ALKBH7: variants seen among roughly 807,000 people sequenced by gnomAD.
The protein encoded by ALKBH7 is RNA demethylase ALKBH7, mitochondrial.
Under a neutral mutation model 19.3 loss-of-function variants are expected in ALKBH7, and 21 were observed. The observed-to-expected ratio is 1.09, with a 90% CI of 0.77 to 1.56. The LOEUF (loss-of-function observed/expected upper bound fraction) is 1.56, where lower values mean the gene tolerates loss of function less well. ALKBH7 is among the 40% of genes most tolerant of loss of function. The pLI is 0.00. For missense variants in ALKBH7, 354 were observed against 311.4 expected (o/e 1.14, Z -1.03); for synonymous variants, 147 against 139.5 (o/e 1.05, Z -0.38).
chr19:6,373,121 G>C, intron 1 of ALKBH7, 97 bp downstream of exon 1: 2 of 1,427,688 alleles, frequency 1.4e-6, no homozygotes, highest in East Asian at 2.5e-5. Flanking sequence ...CGCTGGGGGC[G>C]GTACCTAGAG....
At chr19:6,373,507 T>C in intron 1 of ALKBH7, 2 of 609,262 alleles carry the variant, frequency 3.3e-6, no homozygotes, top group East Asian at 3.6e-5. Context: ...ATTACGCTGC[T>C]AGCAGTTACA....
intron 1 of ALKBH7, chr19:6,373,846 G>A: frequency 1.5e-6 from 2 of 1,314,502 alleles, no homozygotes; most frequent in Non-Finnish European, 9.6e-7. Context: ...TTGGGGTCAG[G>A]GAGAGCACTT....
At chr19:6,373,948 T>C in intron 1 of ALKBH7, 7 of 984,788 alleles carry the variant, frequency 7.1e-6, no homozygotes, top group Non-Finnish European at 8.4e-6. Context: ...GGGGTCAAGT[T>C]GTAGGGAGAT....
In ALKBH7 at chr19:6,373,010, G is replaced by C; in HGVS notation, c.190G>C (p.Asp64His). The C allele has an allele frequency of 6.4e-7, 1 of 1,571,704 alleles. No individual in the cohort carries two copies. The highest frequency in any genetic ancestry group is 8.6e-7 in the Non-Finnish European group (1 of 1,161,106). ...GCTGCGCCGCCGCCGCTACGAATAC[G>C]ATCACTGGGACGCGGTGAGACCGGC... Reference protein sequence around the residue: ...PELRRRRYEYDHWDAAIHGFR... With the variant: ...PELRRRRYEYHHWDAAIHGFR... The change falls in exon 1 of 4, where the codon GAT (aspartate) becomes CAT (histidine). Residue 64 changes from aspartate (D) to histidine (H), a missense_variant. By Grantham distance (81) the Asp-to-His change is moderately conservative. Coordinates refer to ENST00000245812, the MANE Select transcript of ALKBH7 (RefSeq NM_032306.4).
At position 6,374,824 on chromosome 19, in the gene ALKBH7, T is replaced by C. The variant is rs2091913215; in HGVS notation, c.517T>C (p.Tyr173His). The C allele has an allele frequency of 1.2e-6, 2 of 1,613,012 alleles. No homozygotes were observed. The highest frequency in any genetic ancestry group is 8.5e-7 in the Non-Finnish European group (1 of 1,179,258). Residue 173 changes from tyrosine to histidine, a missense_variant, in exon 4 of 4, where the codon TAT (tyrosine) becomes CAT (histidine). Physicochemically the swap from Tyr to His is moderately conservative, Grantham distance 83. Transcript: ENST00000245812. ...TTCTTCCTGCAGGGGCTCAGCCCGT[T>C]ATGACTTCTCCCATGAGATCCTTCG... The part of the protein sequence containing the change: ...SLYILRGSAR[Y>H]DFSHEILRDE...
chr19:6,374,672 G>C, intron 3 of ALKBH7, 83 bp downstream of exon 3: 1 of 1,606,420 alleles, frequency 6.2e-7, no homozygotes, highest in Non-Finnish European at 8.5e-7. Flanking sequence ...CCTCAATCCA[G>C]CCCTCCCCGA....
intron 3 of ALKBH7, 111 bp downstream of exon 3, chr19:6,374,700 G>T: frequency 6.2e-7 from 1 of 1,602,638 alleles, no homozygotes; most frequent in Non-Finnish European, 8.5e-7. Context: ...TTTACCCCAG[G>T]GTCTGTGTGG....
rs754459218 is a variant in ALKBH7 at position 6,374,367 on chromosome 19, C to A, written c.369C>A (p.Asp123Glu). Residue 123 changes from aspartate (D) to glutamate (E), a missense_variant, in exon 2 of 4, where the codon GAC becomes GAA. By Grantham distance (45) the Asp-to-Glu change is conservative (BLOSUM62 2). Coordinates refer to ENST00000245812, the MANE Select transcript of ALKBH7 (RefSeq NM_032306.4). ...EARGYIKPHV[D>E]SIKFCGATIA... ...GCGGCTACATCAAGCCCCACGTGGA[C>A]AGCATCAAGGTGGGCAGAGGACGGT... 5.6e-6 allele frequency: 9 copies of A among 1,609,174 alleles called. No individual in the cohort carries two copies. The African/African-American group carries it at 1.2e-4, about 21-fold the overall frequency.
Position 6,373,015 on chromosome 19 carries a change from C to G in ALKBH7, c.195C>G (p.His65Gln), listed in dbSNP as rs1010722797. The part of the protein sequence containing the change: ...ELRRRRYEYD[H>Q]WDAAIHGFRE... ...GCCGCCGCCGCTACGAATACGATCA[C>G]TGGGACGCGGTGAGACCGGCAGCGC... is the stretch of plus-strand genomic sequence containing the variant. The change falls in exon 1 of 4, where the codon CAC (histidine) becomes CAG (glutamine). Residue 65 changes from histidine (H) to glutamine (Q), a missense_variant. Transcript: ENST00000245812. 1 of 1,569,582 alleles carries G rather than the reference C, an allele frequency of 6.4e-7. No individual in the cohort carries two copies. Among genetic ancestry groups the G allele is most frequent in the Non-Finnish European group, 8.6e-7 (1 of 1,160,026 alleles).
chr19:6,374,332 C>CT lies in ALKBH7; in HGVS notation c.335dup (p.Glu113GlyfsTer56). 1 of 1,611,642 alleles carries CT rather than the reference C, an allele frequency of 6.2e-7. No homozygotes were observed. Among genetic ancestry groups the CT allele is most frequent in the Non-Finnish European group, 8.5e-7 (1 of 1,179,280 alleles). ...GCTCTCCTCCGTGCACGTGCTGGAC[C>CT]TGGAAGCCCGCGGCTACATCAAGCC... On this transcript the variant is annotated frameshift_variant, in exon 2 of 4. Coordinates refer to ENST00000245812, the MANE Select transcript of ALKBH7 (RefSeq NM_032306.4). LOFTEE classifies it high-confidence loss of function.
Position 6,372,813 on chromosome 19 carries a change from C to A in ALKBH7, c.-8C>A, listed in dbSNP as rs960177358. The A allele has an allele frequency of 4.0e-5, 62 of 1,541,090 alleles. No individual in the cohort carries two copies. The highest frequency in any genetic ancestry group is 2.5e-4 in the African/African-American group (18 of 73,276). On this transcript the variant is annotated 5_prime_UTR_variant, in exon 1 of 4. Transcript: ENST00000245812. ...CCCTGCCCTCTCTCATGACCCCGCT[C>A]CGGGATTATGGCCGGGACTGGGCTG...
chr19:6,373,853 A>T, intron 1 of ALKBH7: 2 of 1,310,444 alleles, frequency 1.5e-6, no homozygotes, highest in Non-Finnish European at 1.9e-6. Context: ...CAGGGAGAGC[A>T]CTTTTGCGAC....
chr19:6,374,031 A>C, intron 1 of ALKBH7, 172 bp from the exon 2 acceptor site: 1 of 984,878 alleles, frequency 1.0e-6, no homozygotes. Flanking sequence ...AGTACTAAGG[A>C]CTGAGGTCAC....
Position 6,372,961 on chromosome 19 carries a change from G to A in ALKBH7, c.141G>A (p.Thr47=), listed in dbSNP as rs756893710. Residue 47 remains threonine, a synonymous_variant, in exon 1 of 4, where the codon ACG becomes ACA. Transcript: ENST00000245812. ...TCCTGAGCACGGCAGAGGAGGAGACGCTGAGCCGAGAACTGGAGCCCGAGC... is the reference window on the plus strand; with the variant it reads ...TCCTGAGCACGGCAGAGGAGGAGACACTGAGCCGAGAACTGGAGCCCGAGC... ...PGFLSTAEEE[T]LSRELEPELR... 2.9e-5 allele frequency: 45 copies of A among 1,575,606 alleles called. No individual in the cohort carries two copies. The highest frequency in any genetic ancestry group is 3.6e-5 in the Non-Finnish European group (42 of 1,163,576).
At position 6,375,180 on chromosome 19, in the gene ALKBH7, T is replaced by G; in HGVS notation, c.*207T>G. 1 of 1,308,794 alleles carries G rather than the reference T, an allele frequency of 7.6e-7. No homozygotes were observed. The highest frequency in any genetic ancestry group is 2.7e-5 in the East Asian group (1 of 36,700). 81.1% of individuals were successfully genotyped at this position (1,308,794 alleles called of 1,614,324 possible). A position where few individuals can be genotyped will look rare whatever the true frequency, so the allele number is the denominator to read the frequency against. ...GAGTGGTGTCCTTTATTGCACTCAC[T>G]GCTGGTCGCCCCAGCCCACTCCCCT... is the stretch of plus-strand genomic sequence containing the variant. On this transcript the variant is annotated 3_prime_UTR_variant, in exon 4 of 4. Coordinates refer to ENST00000245812, the MANE Select transcript of ALKBH7 (RefSeq NM_032306.4).
rs113689392 is a variant in ALKBH7, at chr19:6,374,826, T to C, written c.519T>C (p.Tyr173=). The change falls in exon 4 of 4, where the codon TAT becomes TAC. Residue 173 remains tyrosine, a synonymous_variant. Transcript: ENST00000245812. ...SLYILRGSAR[Y]DFSHEILRDE... ...CTTCCTGCAGGGGCTCAGCCCGTTA[T>C]GACTTCTCCCATGAGATCCTTCGGG... 1,319 of 1,613,150 alleles carry C rather than the reference T, an allele frequency of 8.2e-4. 13 individuals carry two copies. The African/African-American group carries it at 0.016, about 19-fold the overall frequency.
chr19:6,373,746 A>G, intron 1 of ALKBH7: 1 of 1,233,572 alleles, frequency 8.1e-7, no homozygotes, highest in Non-Finnish European at 1.0e-6. Context: ...TGGGGTCGGT[A>G]GCTATTGCAG....
intron 1 of ALKBH7, chr19:6,373,392 A>T: frequency 5.8e-6 from 1 of 173,668 alleles, no homozygotes; most frequent in Non-Finnish European, 9.4e-6. Context: ...GGGCGGGGAC[A>T]GTGGGGACCA....
rs771299250 is a variant in ALKBH7 at position 6,374,163 on chromosome 19, C to T, written c.205-40C>T. Reference sequence around the variant, plus strand: ...CCTCCTTGCCTCAGTTTCCTTGTTCCCTCTGGGAGCTCCCAGGCTTAACCG... The same window carrying T: ...CCTCCTTGCCTCAGTTTCCTTGTTCTCTCTGGGAGCTCCCAGGCTTAACCG... On this transcript the variant is annotated intron_variant, in intron 1 of 3. Transcript: ENST00000245812. The T allele has an allele frequency of 1.9e-6, 3 of 1,597,330 alleles. No homozygotes were observed. The South Asian group carries it at 3.4e-5, about 18-fold the overall frequency.
Sources: gnomAD v4.1 joint callset for allele counts on GRCh38, gnomAD v4.1.1 for gene constraint, MANE v1.5 for transcripts, NCBI Gene and HGNC (gene_info 2026-07-23, HGNC 2026-07-21) for gene names.